Variants in ZBBX observed in about 807,000 individuals in gnomAD.
ZBBX encodes the protein zinc finger B-box domain-containing protein 1.
ZBBX carries 101 observed loss-of-function variants against 108.5 expected under a neutral mutation model. The observed-to-expected ratio is 0.93, with a 90% CI of 0.79 to 1.10. The LOEUF is 1.10. Among genes scored for constraint, ZBBX ranks in the 50% least tolerant of loss-of-function variants. The pLI is 0.00. For missense variants in ZBBX, 1,009 were observed against 941.4 expected (o/e 1.07, Z -0.94); for synonymous variants, 356 against 323.4 (o/e 1.10, Z -1.08).
chr3:167,232,364 C>T, the ZBBX span, among the ~76,000 whole-genome samples: 28 of 151,890 alleles, frequency 1.8e-4, no homozygotes, highest in East Asian at 5.3e-3. Context: ...AGATAAATGG[C>T]TCGTTTTCAC....
In ZBBX at chr3:167,275,325, C is replaced by A. The variant is rs368906761; in HGVS notation, c.2254+6913G>T. ...TCCGGTCTACAGCTCCCAGCGTGAG[C>A]GACGCAGAAGACGGGTGATTTCTGC... On this transcript the variant is annotated intron_variant, in intron 20 of 21. Transcript: ENST00000675490. Among the ~76,000 whole-genome samples, 84 of 152,278 alleles carry A rather than the reference C, an allele frequency of 5.5e-4. 1 individual carries two copies. The South Asian group carries it at 0.017, about 31-fold the overall frequency.
chr3:167,264,648 T>C (rs1157095297), intron 20 of ZBBX, among the ~76,000 whole-genome samples: 1 of 152,236 alleles, frequency 6.6e-6, no homozygotes, highest in East Asian at 1.9e-4. Context: ...CAGGAAAAGT[T>C]TACACACCAC....
At chr3:167,236,373 A>G (rs1720230970), downstream of ZBBX, among the ~76,000 whole-genome samples, 1 of 151,764 alleles carries the variant, frequency 6.6e-6, no homozygotes, top group Non-Finnish European at 1.5e-5. Flanking sequence ...GTTTGCCTGT[A>G]TATTCAAAGA....
At chr3:167,268,889 AC>A (rs1726045183) in intron 20 of ZBBX, among the ~76,000 whole-genome samples, 1 of 152,006 alleles carries the variant, frequency 6.6e-6, no homozygotes, top group East Asian at 1.9e-4. Flanking sequence ...CCAGGTCCAG[AC>A]CCCCGTTTAA....
chr3:167,238,752 T>C (rs1720334256), downstream of ZBBX, among the ~76,000 whole-genome samples: 1 of 152,056 alleles, frequency 6.6e-6, no homozygotes, highest in Non-Finnish European at 1.5e-5. Flanking sequence ...GACCACAAAA[T>C]TATCATCCCA....
At chr3:167,358,991 G>GA (rs1157669350) in intron 8 of ZBBX, among the ~76,000 whole-genome samples, 1 of 114,308 alleles carries the variant, frequency 8.7e-6, no homozygotes, top group Non-Finnish European at 1.9e-5. Flanking sequence ...TGTGAGAAAA[G>GA]AAAAAAAAGA....
intron 20 of ZBBX, among the ~76,000 whole-genome samples, chr3:167,275,398 G>T (rs1009825875): frequency 1.3e-5 from 2 of 152,180 alleles, no homozygotes; most frequent in African/African-American, 2.4e-5. Context: ...GTGCCAGACA[G>T]TGGGCGCAGG....
chr3:167,187,831 T>C, the ZBBX span, among the ~76,000 whole-genome samples: 2 of 152,274 alleles, frequency 1.3e-5, no homozygotes, highest in South Asian at 4.1e-4. Context: ...TAATCAATAT[T>C]TATGAAAACT....
chr3:167,191,074 C>T, the ZBBX span, among the ~76,000 whole-genome samples: 1 of 152,186 alleles, frequency 6.6e-6, no homozygotes, highest in Non-Finnish European at 1.5e-5. Context: ...CAACCTTTCT[C>T]TGTTTCAACC....
intron 8 of ZBBX, among the ~76,000 whole-genome samples, chr3:167,352,875 A>G (rs1405013986): frequency 6.6e-6 from 1 of 152,112 alleles, no homozygotes; most frequent in South Asian, 2.1e-4. Flanking sequence ...AAACAAAACT[A>G]TATCATATCT....
chr3:167,360,099 A>G lies in ZBBX; in HGVS notation c.323-120T>C, dbSNP rs139464921. 583 of 320,956 alleles carry G rather than the reference A, an allele frequency of 1.8e-3. 14 individuals are homozygous for G. In the East Asian group the frequency reaches 0.025, roughly 14 times the overall value. 19.9% of individuals were successfully genotyped at this position (320,956 alleles called of 1,614,324 possible). On this transcript the variant is annotated intron_variant, in intron 7 of 21. Transcript: ENST00000675490. Reference sequence around the variant, plus strand: ...TGTATCAAACTGAAGCCCACATAGAACAAATTCTAAACATTTATAATTATA... The same window carrying G: ...TGTATCAAACTGAAGCCCACATAGAGCAAATTCTAAACATTTATAATTATA...
rs755400579 is a variant in ZBBX at position 167,327,972 on chromosome 3, T to C, written c.832A>G (p.Lys278Glu). 6.2e-7 allele frequency: 1 copy of C among 1,611,426 alleles called. No individual in the cohort carries two copies. ...QWRTGNHDDN[K>E]KQNLHAAVKD... ...ACTGCTGCATGTAAATTCTGTTTCT[T>C]GTTGTCATCATGATTTCCGGTTCTC... is the stretch of plus-strand genomic sequence containing the variant. Residue 278 changes from lysine to glutamate, a missense_variant, in exon 11 of 22, where the codon AAG (lysine) becomes GAG (glutamate). Coordinates refer to ENST00000675490, the MANE Select transcript of ZBBX (RefSeq NM_001199201.2).
chr3:167,308,708 C>A, intron 16 of ZBBX, among the ~76,000 whole-genome samples: 1 of 152,042 alleles, frequency 6.6e-6, no homozygotes, highest in Non-Finnish European at 1.5e-5. Flanking sequence ...GAACAGAAAA[C>A]TAAGCACTAG....
chr3:167,313,637 A>G (rs1442025162), intron 16 of ZBBX, among the ~76,000 whole-genome samples: 2 of 152,014 alleles, frequency 1.3e-5, no homozygotes, highest in Non-Finnish European at 2.9e-5. Context: ...TCAGATTTGA[A>G]TATTTTTGAA....
At chr3:167,291,029 C>A (rs1208267978) in intron 18 of ZBBX, among the ~76,000 whole-genome samples, 1 of 152,020 alleles carries the variant, frequency 6.6e-6, no homozygotes, top group African/African-American at 2.4e-5. Flanking sequence ...AAGAAACGAA[C>A]AAAGCCTCCA....
chr3:167,228,650 G>A, the ZBBX span, among the ~76,000 whole-genome samples: 1 of 151,782 alleles, frequency 6.6e-6, no homozygotes, highest in Non-Finnish European at 1.5e-5. Flanking sequence ...AGTTCGAAAA[G>A]CATTGACATA....
chr3:167,298,298 A>G lies in ZBBX; in HGVS notation c.1879+7T>C. On this transcript the variant is annotated splice_region_variant and intron_variant, in intron 18 of 21. Transcript: ENST00000675490. The stretch of plus-strand genomic sequence containing the variant: ...GACTGTTTTAGAAAAATGAGCTAGA[A>G]ATTTACCTGCAAGTGTAATCCTAGT... The G allele has an allele frequency of 6.3e-7, 1 of 1,585,494 alleles. No individual in the cohort carries two copies. Among genetic ancestry groups the G allele is most frequent in the Non-Finnish European group, 8.6e-7 (1 of 1,167,816 alleles).
At chr3:167,318,518 C>T (rs1465528975) in intron 12 of ZBBX, among the ~76,000 whole-genome samples, 1 of 151,880 alleles carries the variant, frequency 6.6e-6, no homozygotes, top group African/African-American at 2.4e-5. Flanking sequence ...AGGAGTCTGC[C>T]TCCCAAAAAC....
intron 1 of ZBBX, among the ~76,000 whole-genome samples, chr3:167,390,819 T>C (rs1748063739): frequency 6.6e-6 from 1 of 152,166 alleles, no homozygotes; most frequent in South Asian, 2.1e-4. Context: ...TGCTTGTGAT[T>C]TTTGCACATT....
Sources: gnomAD v4.1 joint callset for allele counts (sites outside exome capture counted in the v4.1 genomes callset) on GRCh38, gnomAD v4.1.1 for gene constraint, MANE v1.5 for transcripts, NCBI Gene and HGNC (gene_info 2026-07-23, HGNC 2026-07-21) for gene names.